Variants in FGF12 observed in about 807,000 individuals in gnomAD.
The protein encoded by FGF12 is fibroblast growth factor 12B.
A neutral mutation model predicts 23.6 loss-of-function variants in FGF12; 14 were observed. The observed-to-expected ratio is 0.59, with a 90% CI of 0.39 to 0.93. The LOEUF (loss-of-function observed/expected upper bound fraction) is 0.93, where lower values mean the gene tolerates loss of function less well. Ranked by LOEUF, FGF12 falls within the 40% of genes least tolerant of loss-of-function variation. The probability of loss-of-function intolerance (pLI) is 0.00; values close to 1 mark genes in which losing one functional copy is unlikely to be tolerated. For synonymous variants in FGF12, 62 were observed against 77.3 expected (o/e 0.80, Z 1.04); for missense variants, 175 against 217.8 (o/e 0.80, Z 1.24).
chr3:192,170,177 G>A (rs1269030528), intron 5 of FGF12, among the ~76,000 whole-genome samples: 10 of 143,706 alleles, frequency 7.0e-5, no homozygotes, highest in Non-Finnish European at 1.3e-4. Flanking sequence ...CAGCTACTAC[G>A]GAGGCTGAGG....
intron 5 of FGF12, among the ~76,000 whole-genome samples, chr3:192,170,143 T>A (rs1162748652): frequency 1.3e-5 from 2 of 148,912 alleles, no homozygotes; most frequent in Non-Finnish European, 3.0e-5. Flanking sequence ...TTCCTTTTTT[T>A]TTTTTTTAAT....
At chr3:192,278,092 CCAAT>C (rs1713915486) in intron 4 of FGF12, among the ~76,000 whole-genome samples, 7 of 152,218 alleles carry the variant, frequency 4.6e-5, no homozygotes, top group South Asian at 4.1e-4. Context: ...TACGCTGTTA[CCAAT>C]CAGTCAGCTT....
intron 4 of FGF12, among the ~76,000 whole-genome samples, chr3:192,278,380 T>A (rs1713929525): frequency 6.6e-6 from 1 of 152,172 alleles, no homozygotes; most frequent in African/African-American, 2.4e-5. Flanking sequence ...AGGGCTTCAA[T>A]AGGGCCATGG....
At chr3:192,198,549 T>A (rs1717200500) in intron 4 of FGF12, among the ~76,000 whole-genome samples, 2 of 152,218 alleles carry the variant, frequency 1.3e-5, no homozygotes, top group South Asian at 4.1e-4. Flanking sequence ...GGCAGCAAGA[T>A]AATTTCTATA....
chr3:192,553,599 T>A (rs1012625752), intron 2 of FGF12, among the ~76,000 whole-genome samples: 1 of 152,144 alleles, frequency 6.6e-6, no homozygotes, highest in Non-Finnish European at 1.5e-5. Flanking sequence ...TAGAAACCCA[T>A]AAACCAGTTA....
At chr3:192,144,748 A>G (rs891186950) in intron 5 of FGF12, among the ~76,000 whole-genome samples, 8 of 152,192 alleles carry the variant, frequency 5.3e-5, no homozygotes, top group African/African-American at 1.9e-4. Context: ...GTTCATATCT[A>G]TATAAACCGT....
chr3:192,400,373 T>C (rs1254006795), intron 2 of FGF12, among the ~76,000 whole-genome samples: 1 of 149,368 alleles, frequency 6.7e-6, no homozygotes, highest in South Asian at 2.2e-4. Flanking sequence ...TCTTTTCTTT[T>C]TTTTTTTTTT....
intron 2 of FGF12, among the ~76,000 whole-genome samples, chr3:192,483,239 C>T (rs1184598210): frequency 1.3e-5 from 2 of 152,120 alleles, no homozygotes; most frequent in East Asian, 3.9e-4. Flanking sequence ...TTACTATTTA[C>T]AATTTTTTTA....
intron 4 of FGF12, among the ~76,000 whole-genome samples, chr3:192,222,415 C>T (rs1718523887): frequency 6.6e-6 from 1 of 152,100 alleles, no homozygotes; most frequent in Non-Finnish European, 1.5e-5. Context: ...TCTGTAAACT[C>T]CCGAACATGA....
chr3:192,503,061 G>C (rs1296453075), intron 2 of FGF12, among the ~76,000 whole-genome samples: 1 of 152,166 alleles, frequency 6.6e-6, no homozygotes, highest in Non-Finnish European at 1.5e-5. Context: ...GAGTTTTCGA[G>C]GAAAGTTGGT....
At chr3:192,199,393 G>T (rs914108473) in intron 4 of FGF12, among the ~76,000 whole-genome samples, 17 of 152,294 alleles carry the variant, frequency 1.1e-4, no homozygotes, top group African/African-American at 3.8e-4. Flanking sequence ...TAACAGTTCA[G>T]ATCAGATGTC....
At chr3:192,582,844 G>C (rs1179063539) in intron 2 of FGF12, among the ~76,000 whole-genome samples, 1 of 152,128 alleles carries the variant, frequency 6.6e-6, no homozygotes, top group African/African-American at 2.4e-5. Context: ...GCTCTCGGCA[G>C]GTACTCCCCA....
chr3:192,511,970 C>T lies in FGF12; in HGVS notation c.14-151432G>A, dbSNP rs138687836. On this transcript the variant is annotated intron_variant, in intron 2 of 5. Coordinates refer to ENST00000445105, the MANE Select transcript of FGF12 (RefSeq NM_004113.6). ...ATGATTAGTTTATATTTTCTTAGTACTATTCATTTAATAAAACTTAAATAA... is the reference window on the plus strand; with the variant it reads ...ATGATTAGTTTATATTTTCTTAGTATTATTCATTTAATAAAACTTAAATAA... Among the ~76,000 whole-genome samples, 1,100 of 152,270 alleles carry T rather than the reference C, an allele frequency of 7.2e-3. 15 individuals are homozygous for T. Among genetic ancestry groups the T allele is most frequent in the African/African-American group, 0.026 (1,067 of 41,558 alleles).
At chr3:192,364,347 T>A (rs1022740106) in intron 2 of FGF12, among the ~76,000 whole-genome samples, 3 of 151,444 alleles carry the variant, frequency 2.0e-5, no homozygotes, top group African/African-American at 4.9e-5. Flanking sequence ...TCCATTACTG[T>A]TTTTCTTTTT....
At chr3:192,490,256 G>A (rs1169546707) in intron 2 of FGF12, among the ~76,000 whole-genome samples, 1 of 151,942 alleles carries the variant, frequency 6.6e-6, no homozygotes, top group Admixed American at 6.6e-5. Flanking sequence ...AATTCTCTCT[G>A]TGGTTCGCTG....
At chr3:192,224,136 A>G (rs1196941288) in intron 4 of FGF12, among the ~76,000 whole-genome samples, 2 of 152,154 alleles carry the variant, frequency 1.3e-5, no homozygotes. Flanking sequence ...TACAAAATCC[A>G]TTATTACTAC....
chr3:192,592,517 C>A (rs555244354), intron 2 of FGF12, among the ~76,000 whole-genome samples: 131 of 151,858 alleles, frequency 8.6e-4, no homozygotes, highest in African/African-American at 3.0e-3. Flanking sequence ...TTATGGGAAA[C>A]TTTTAGTTGT....
intron 5 of FGF12, among the ~76,000 whole-genome samples, chr3:192,168,813 G>A (rs940205959): frequency 2.0e-5 from 3 of 152,196 alleles, no homozygotes; most frequent in Non-Finnish European, 4.4e-5. Flanking sequence ...ATGAATAAGA[G>A]GAGACAGAGT....
chr3:192,538,605 T>C (rs1725291402), intron 2 of FGF12, among the ~76,000 whole-genome samples: 3 of 152,230 alleles, frequency 2.0e-5, no homozygotes, highest in Admixed American at 1.3e-4. Context: ...TGGATAATTC[T>C]AGCTTTTTCC....
Sources: allele counts gnomAD v4.1 joint callset (sites outside exome capture counted in the v4.1 genomes callset), GRCh38; gene constraint gnomAD v4.1.1; transcripts MANE v1.5; gene names NCBI Gene and HGNC (gene_info 2026-07-23, HGNC 2026-07-21).